Variants in DPY19L4 observed in about 807,000 individuals in gnomAD.
The protein encoded by DPY19L4 is dpy-19 like 4.
Under a neutral mutation model 102.8 loss-of-function variants are expected in DPY19L4, and 97 were observed. The ratio of observed to expected loss-of-function variants is 0.94; its 90% CI spans 0.80 to 1.12. The LOEUF (loss-of-function observed/expected upper bound fraction) is 1.12, where lower values mean the gene tolerates loss of function less well. Ranked by LOEUF, DPY19L4 falls within the 50% of genes most tolerant of loss-of-function variation. The probability of loss-of-function intolerance (pLI) is 0.00; values close to 1 mark genes in which losing one functional copy is unlikely to be tolerated. For synonymous variants in DPY19L4, 252 were observed against 283.1 expected (o/e 0.89, Z 1.10); for missense variants, 815 against 850.4 (o/e 0.96, Z 0.52).
intron 13 of DPY19L4, 148 bp downstream of exon 13, chr8:94,770,719 C>T: frequency 1.0e-6 from 1 of 1,001,808 alleles, no homozygotes; most frequent in Non-Finnish European, 1.5e-6. Context: ...TCTGTCAACA[C>T]TCAACATGGT....
At chr8:94,738,604 TCC>T in intron 4 of DPY19L4, 145 bp downstream of exon 4, 1 of 255,194 alleles carries the variant, frequency 3.9e-6, no homozygotes, top group Non-Finnish European at 7.8e-6. Context: ...AACCTCTGCC[TCC>T]CGGTTCAGGC....
intron 2 of DPY19L4, among the ~76,000 whole-genome samples, chr8:94,727,849 G>A (rs955869599): frequency 2.0e-5 from 3 of 152,312 alleles, no homozygotes. Flanking sequence ...GTACAAAGAG[G>A]ATAGGCACTG....
rs1490403421 is a variant in DPY19L4, at chr8:94,792,503, C to T, written c.*2593C>T. Reference sequence around the variant, plus strand: ...CCTCAGATGATCCACTCACCCCAGCCTCCCAAAGTGCTGGGATTACAGACG... The same window carrying T: ...CCTCAGATGATCCACTCACCCCAGCTTCCCAAAGTGCTGGGATTACAGACG... On this transcript the variant is annotated 3_prime_UTR_variant, in exon 19 of 19. Coordinates refer to ENST00000414645, the MANE Select transcript of DPY19L4 (RefSeq NM_181787.3). The T allele has an allele frequency of 1.3e-5, 2 of 151,536 alleles. No homozygotes were observed. The highest frequency in any genetic ancestry group is 2.9e-5 in the Non-Finnish European group (2 of 67,902). The allele number at this position is 151,536 out of a possible 1,614,324, so 9.4% of individuals were successfully genotyped here. A position where few individuals can be genotyped will look rare whatever the true frequency, so the allele number is the denominator to read the frequency against.
chr8:94,730,015 A>C (rs1810875914), intron 2 of DPY19L4, among the ~76,000 whole-genome samples: 1 of 152,034 alleles, frequency 6.6e-6, no homozygotes, highest in South Asian at 2.1e-4. Flanking sequence ...ATTTCAGTAG[A>C]TATAAATACT....
intron 18 of DPY19L4, among the ~76,000 whole-genome samples, chr8:94,788,456 A>G (rs1813750814): frequency 1.3e-5 from 2 of 152,182 alleles, no homozygotes; most frequent in South Asian, 4.1e-4. Context: ...AATTTGATTC[A>G]TATCTAGAAA....
chr8:94,737,641 G>A (rs1047114212), intron 3 of DPY19L4, among the ~76,000 whole-genome samples: 2 of 151,844 alleles, frequency 1.3e-5, no homozygotes, highest in Admixed American at 1.3e-4. Flanking sequence ...AAATTAGCCG[G>A]GCGTGGTGGC....
rs1813850328 is a variant in DPY19L4, at chr8:94,790,578, A to G, written c.*668A>G. 1.3e-5 allele frequency: 2 copies of G among 152,228 alleles called. No individual in the cohort carries two copies. 9.4% of individuals were successfully genotyped at this position (152,228 alleles called of 1,614,324 possible). Reference sequence around the variant, plus strand: ...ATGTTACTGCATTTTCTAAATGACTAGTAAGTGATTAGTTTTTTCACTTAT... The same window carrying G: ...ATGTTACTGCATTTTCTAAATGACTGGTAAGTGATTAGTTTTTTCACTTAT... On this transcript the variant is annotated 3_prime_UTR_variant, in exon 19 of 19. Coordinates refer to ENST00000414645, the MANE Select transcript of DPY19L4 (RefSeq NM_181787.3).
intron 6 of DPY19L4, among the ~76,000 whole-genome samples, chr8:94,741,351 G>A (rs1430774634): frequency 2.0e-5 from 3 of 152,102 alleles, no homozygotes; most frequent in South Asian, 2.1e-4. Flanking sequence ...ACACCAGTTT[G>A]TAACCTTTGC....
intron 2 of DPY19L4, among the ~76,000 whole-genome samples, chr8:94,732,811 C>CTTTTTTT (rs10624368): frequency 4.7e-5 from 6 of 128,102 alleles, no homozygotes; most frequent in Admixed American, 1.7e-4. Context: ...CTTTTTCTTT[C>CTTTTTTT]TTTTTTTTTT....
chr8:94,738,735 A>G (rs938090485), intron 4 of DPY19L4, among the ~76,000 whole-genome samples: 19 of 151,848 alleles, frequency 1.3e-4, no homozygotes, highest in African/African-American at 3.9e-4. Flanking sequence ...GCTGGTCTCG[A>G]ACTCTTGACC....
chr8:94,780,533 C>A, intron 15 of DPY19L4, 118 bp downstream of exon 15: 1 of 651,588 alleles, frequency 1.5e-6, no homozygotes, highest in Non-Finnish European at 2.2e-6. Context: ...TAAAATGTAA[C>A]ATTCTTAGTA....
At chr8:94,766,463 TCTC>T in intron 10 of DPY19L4, 146 bp from the exon 11 acceptor site, 1 of 630,136 alleles carries the variant, frequency 1.6e-6, no homozygotes, top group South Asian at 2.3e-5. Flanking sequence ...TGTCAGTAAA[TCTC>T]CTTGCTTCAT....
intron 3 of DPY19L4, among the ~76,000 whole-genome samples, chr8:94,735,766 G>C (rs571902630): frequency 6.6e-6 from 1 of 152,222 alleles, no homozygotes. Flanking sequence ...CAGAATCATA[G>C]ACTCTCAGAC....
chr8:94,725,869 C>T (rs1005161460), intron 1 of DPY19L4, among the ~76,000 whole-genome samples: 2 of 152,112 alleles, frequency 1.3e-5, no homozygotes, highest in African/African-American at 4.8e-5. Flanking sequence ...GATCTCCTGA[C>T]CTCGTGATCC....
intron 8 of DPY19L4, among the ~76,000 whole-genome samples, chr8:94,762,722 A>G (rs1216431903): frequency 6.6e-6 from 1 of 152,146 alleles, no homozygotes; most frequent in Non-Finnish European, 1.5e-5. Flanking sequence ...CAACATAGTG[A>G]GACCCTATCC....
At chr8:94,778,551 T>A (rs1813288403) in intron 14 of DPY19L4, among the ~76,000 whole-genome samples, 1 of 152,176 alleles carries the variant, frequency 6.6e-6, no homozygotes, top group African/African-American at 2.4e-5. Flanking sequence ...TTCCACTTTC[T>A]TCAACCTGCC....
At position 94,787,996 on chromosome 8, in the gene DPY19L4, G is replaced by A. The variant is rs767923269; in HGVS notation, c.1951G>A (p.Val651Met). 8 of 1,517,378 alleles carry A rather than the reference G, an allele frequency of 5.3e-6. No individual in the cohort carries two copies. The highest frequency in any genetic ancestry group is 6.2e-6 in the Non-Finnish European group (7 of 1,134,236). The allele number at this position is 1,517,378 out of a possible 1,614,324, so 94.0% of individuals were successfully genotyped here. A position where few individuals can be genotyped will look rare whatever the true frequency, so the allele number is the denominator to read the frequency against. Reference sequence around the variant, plus strand: ...TGTAGAGGATGCTATCTGCAATGAGGTGGGACCCATGAGAGGCTGTAGGGT... The same window carrying A: ...TGTAGAGGATGCTATCTGCAATGAGATGGGACCCATGAGAGGCTGTAGGGT... Reference protein sequence around the residue: ...LIVEDAICNEVGPMRGCRVKD... With the variant: ...LIVEDAICNEMGPMRGCRVKD... The change falls in exon 18 of 19, where the codon GTG (valine) becomes ATG (methionine). Residue 651 changes from valine to methionine, a missense_variant. Transcript: ENST00000414645.
chr8:94,784,871 A>T (rs1813590915), intron 17 of DPY19L4, among the ~76,000 whole-genome samples: 1 of 152,230 alleles, frequency 6.6e-6, no homozygotes, highest in Non-Finnish European at 1.5e-5. Flanking sequence ...GTATAACATT[A>T]GAATGGTATC....
At chr8:94,748,623 TGATGATGATGATGAC>T (rs947077486) in intron 6 of DPY19L4, among the ~76,000 whole-genome samples, 1 of 144,212 alleles carries the variant, frequency 6.9e-6, no homozygotes, top group African/African-American at 2.5e-5. Flanking sequence ...GCAGTGACAA[TGATGATGATGATGAC>T]GATGATGATG....
Sources: gnomAD v4.1 joint callset for allele counts (sites outside exome capture counted in the v4.1 genomes callset) on GRCh38, gnomAD v4.1.1 for gene constraint, MANE v1.5 for transcripts, NCBI Gene and HGNC (gene_info 2026-07-23, HGNC 2026-07-21) for gene names.